PHKA2: variants seen among roughly 807,000 people sequenced by gnomAD.
PHKA2 encodes the protein phosphorylase kinase regulatory subunit alpha 2.
Under a neutral mutation model 102.0 loss-of-function variants are expected in PHKA2, and 31 were observed. That is an observed-to-expected ratio of 0.30 (90% CI 0.23 to 0.41). PHKA2 has a LOEUF of 0.41. Ranked by LOEUF, PHKA2 falls within the 10% of genes least tolerant of loss-of-function variation. The probability of loss-of-function intolerance (pLI) is 1.00; values close to 1 mark genes in which losing one functional copy is unlikely to be tolerated. For missense variants in PHKA2, 858 were observed against 1,023.1 expected (o/e 0.84, Z 2.20); for synonymous variants, 455 against 416.2 (o/e 1.09, Z -1.13).
At chrX:18,903,854 C>T (rs897525008) in intron 26 of PHKA2, among the ~76,000 whole-genome samples, 13 of 112,158 alleles carry the variant, frequency 1.2e-4, no homozygotes, top group African/African-American at 4.2e-4. Flanking sequence ...CTGCCCACTC[C>T]AAAGCCTCCC....
At chrX:18,982,129 C>T (rs1379276028) in intron 1 of PHKA2, among the ~76,000 whole-genome samples, 1 of 111,861 alleles carries the variant, frequency 8.9e-6, no homozygotes, top group Non-Finnish European at 1.9e-5. Flanking sequence ...TGCCTGCCTA[C>T]TTCTTCTGCT....
intron 1 of PHKA2, among the ~76,000 whole-genome samples, chrX:18,977,337 A>T (rs1029472111): frequency 1.8e-5 from 2 of 112,383 alleles, no homozygotes; most frequent in African/African-American, 6.5e-5. Flanking sequence ...CTTTTTGAAA[A>T]AATATCTTGT....
At chrX:18,918,405 G>A (rs990906234) in intron 19 of PHKA2, among the ~76,000 whole-genome samples, 1 of 112,173 alleles carries the variant, frequency 8.9e-6, no homozygotes, top group African/African-American at 3.2e-5. Context: ...GGTGATTTAA[G>A]ACAGCCAGAT....
intron 1 of PHKA2, 36 bp from the exon 2 acceptor site, chrX:18,954,448 T>A (rs1181607123): frequency 8.5e-7 from 1 of 1,181,056 alleles, no homozygotes; most frequent in African/African-American, 1.8e-5. Flanking sequence ...CTCAGTGCCA[T>A]CCTTCATGCA....
intron 2 of PHKA2, among the ~76,000 whole-genome samples, chrX:18,953,743 T>G (rs199908087): frequency 8.9e-6 from 1 of 111,759 alleles, no homozygotes; most frequent in East Asian, 2.8e-4. Flanking sequence ...TTCCAGCACT[T>G]TGGGAGGCTG....
At position 18,905,757 on chromosome X, in the gene PHKA2, C is replaced by A; in HGVS notation, c.2908+1G>T. On this transcript the variant is annotated splice_donor_variant, in intron 26 of 32. Transcript: ENST00000379942. LOFTEE classifies it high-confidence loss of function. ...GACGTTAACAGGAGCATGGAACTTA[C>A]CACTTCTTTCAACGCCAAACTCTTT... 1 of 1,173,534 alleles carries A rather than the reference C, an allele frequency of 8.5e-7. No homozygotes were observed. The highest frequency in any genetic ancestry group is 1.2e-6 in the Non-Finnish European group (1 of 860,428).
At chrX:18,980,976 C>A (rs1410423337) in intron 1 of PHKA2, among the ~76,000 whole-genome samples, 1 of 111,336 alleles carries the variant, frequency 9.0e-6, no homozygotes, top group Non-Finnish European at 1.9e-5. Context: ...CCAGCTGACA[C>A]TAAAAAAAAT....
intron 1 of PHKA2, among the ~76,000 whole-genome samples, chrX:18,962,228 A>T (rs1335718973): frequency 9.0e-6 from 1 of 111,549 alleles, no homozygotes; most frequent in Non-Finnish European, 1.9e-5. Context: ...GAAGGCAGAG[A>T]TGTTGAAATA....
At chrX:18,896,494 G>C (rs2047558426) in intron 30 of PHKA2, 1 of 114,478 alleles carries the variant, frequency 8.7e-6, no homozygotes, top group Non-Finnish European at 1.8e-5. Context: ...GGGTGTGAGG[G>C]AGATTGTGCC....
intron 10 of PHKA2, among the ~76,000 whole-genome samples, chrX:18,938,210 T>C (rs1247380596): frequency 8.9e-6 from 1 of 112,794 alleles, no homozygotes; most frequent in Non-Finnish European, 1.9e-5. Context: ...CATGTAAAAT[T>C]AATGGCCCAG....
intron 26 of PHKA2, among the ~76,000 whole-genome samples, chrX:18,903,633 AG>A (rs2047742668): frequency 8.9e-6 from 1 of 112,156 alleles, no homozygotes; most frequent in African/African-American, 3.2e-5. Context: ...CTCGGGCTGG[AG>A]GGGGAAGTGC....
intron 1 of PHKA2, among the ~76,000 whole-genome samples, chrX:18,970,348 G>A (rs1295324873): frequency 8.9e-6 from 1 of 112,379 alleles, no homozygotes; most frequent in Non-Finnish European, 1.9e-5. Flanking sequence ...TATTTTTGTG[G>A]TGAGAACACT....
rs772348391 is a variant in PHKA2 at position 18,938,741 on chromosome X, A to C, written c.927T>G (p.Asn309Lys). 8.3e-7 allele frequency: 1 copy of C among 1,205,479 alleles called. No individual in the cohort carries two copies. The highest frequency in any genetic ancestry group is 1.1e-6 in the Non-Finnish European group (1 of 889,479). Residue 309 changes from asparagine to lysine, a missense_variant, in exon 10 of 33, where the codon AAT becomes AAG. Asn to Lys is a moderately conservative substitution (Grantham distance 94). This residue lies in a region of PHKA2 where 187 missense variants were observed against 277.9 expected (regional missense o/e 0.67). Coordinates refer to ENST00000379942, the MANE Select transcript of PHKA2 (RefSeq NM_000292.3). ...GTTCAGCAGGGTCATAATGCAGTCGATTAGGGTCCTAGAATCAAATAAGTC... is the reference window on the plus strand; with the variant it reads ...GTTCAGCAGGGTCATAATGCAGTCGCTTAGGGTCCTAGAATCAAATAAGTC... ...DGYKTPREDP[N>K]RLHYDPAELK...
In PHKA2 at chrX:18,893,485, C is replaced by T; in HGVS notation, c.3708G>A (p.Ter1236=). The T allele has an allele frequency of 8.3e-7, 1 of 1,209,994 alleles. No homozygotes were observed. Residue 1236 remains the stop codon, a stop_retained_variant, in exon 33 of 33, where the codon TAG becomes TAA. Transcript: ENST00000379942. Reference sequence around the variant, plus strand: ...TGTGATCATGTTTCCAGGTGAGACCCTATTGCATCTGGCAGCCCGAATTGG... The same window carrying T: ...TGTGATCATGTTTCCAGGTGAGACCTTATTGCATCTGGCAGCCCGAATTGG... ...LLPNSGCQMQ[*]
intron 1 of PHKA2, among the ~76,000 whole-genome samples, chrX:18,979,499 TGTTA>T (rs1395733270): frequency 8.9e-6 from 1 of 111,891 alleles, no homozygotes; most frequent in Non-Finnish European, 1.9e-5. Flanking sequence ...TTCAAACAGC[TGTTA>T]GTGAAAAAAA....
intron 17 of PHKA2, among the ~76,000 whole-genome samples, chrX:18,923,518 C>G (rs2048160917): frequency 8.9e-6 from 1 of 112,004 alleles, no homozygotes; most frequent in Non-Finnish European, 1.9e-5. Flanking sequence ...CTGGGTACGT[C>G]TTCCCTACTT....
intron 1 of PHKA2, among the ~76,000 whole-genome samples, chrX:18,966,897 G>A (rs1203798075): frequency 2.7e-5 from 3 of 111,853 alleles, no homozygotes; most frequent in Non-Finnish European, 5.6e-5. Flanking sequence ...GGAAAAAGAC[G>A]GGAGGGGAAG....
chrX:18,952,329 C>CAAAAAAAA (rs1198542984), intron 3 of PHKA2, among the ~76,000 whole-genome samples, 165 bp downstream of exon 3: 1 of 35,336 alleles, frequency 2.8e-5, no homozygotes, highest in African/African-American at 7.7e-5. Flanking sequence ...GACCCTGTCT[C>CAAAAAAAA]AAAAAAAAAA....
intron 2 of PHKA2, among the ~76,000 whole-genome samples, chrX:18,954,002 T>C (rs2048737708): frequency 9.0e-6 from 1 of 110,608 alleles, no homozygotes; most frequent in Non-Finnish European, 1.9e-5. Flanking sequence ...AAAAGAAATG[T>C]GGTTGCTTTC....
Sources: allele counts gnomAD v4.1 joint callset (sites outside exome capture counted in the v4.1 genomes callset), GRCh38; gene constraint gnomAD v4.1.1; regional missense constraint gnomAD v4.1.1; transcripts MANE v1.5; gene names NCBI Gene and HGNC (gene_info 2026-07-23, HGNC 2026-07-21).